The following PRKDC variants were observed in gnomAD, a reference collection of about 807,000 sequenced individuals.
PRKDC encodes protein kinase, DNA-activated, catalytic subunit.
PRKDC carries 82 observed loss-of-function variants against 486.9 expected under a neutral mutation model. That is an observed-to-expected ratio of 0.17 (90% CI 0.14 to 0.20). The LOEUF is 0.20. PRKDC is among the 10% of genes least tolerant of loss of function. The pLI is 1.00. For missense variants in PRKDC, 4,504 were observed against 5,038.2 expected, an observed-to-expected ratio of 0.89 and a Z score of 3.21; for synonymous variants, 1,895 against 1,837.0, an observed-to-expected ratio of 1.03 and a Z score of -0.81.
At position 47,915,390 on chromosome 8, in the gene PRKDC, C is replaced by A; in HGVS notation, c.2555G>T (p.Arg852Ile). The A allele has an allele frequency of 6.4e-7, 1 of 1,561,414 alleles. No homozygotes were observed. The highest frequency in any genetic ancestry group is 8.7e-7 in the Non-Finnish European group (1 of 1,147,368). Residue 852 changes from arginine (R) to isoleucine (I), a missense_variant, in exon 23 of 86, where the codon AGA (arginine) becomes ATA (isoleucine). Transcript: ENST00000314191. ...TCCAAGCATTTGTACTACTCTAATT[C>A]TTATTTCTTCTAAGGATATTGCTTC... ...SNEAISLEEIRIRVVQMLGSL... is the reference protein window; with the variant it reads ...SNEAISLEEIIIRVVQMLGSL...
intron 69 of PRKDC, 114 bp downstream of exon 69, chr8:47,807,023 A>G (rs893108115): frequency 1.1e-5 from 12 of 1,105,550 alleles, no homozygotes; most frequent in Middle Eastern, 2.1e-4. Context: ...GAGAAAAAAA[A>G]TAACACCTAC....
chr8:47,956,720 A>G (rs1713626379), intron 3 of PRKDC, among the ~76,000 whole-genome samples: 2 of 151,788 alleles, frequency 1.3e-5, no homozygotes, highest in African/African-American at 2.4e-5. Flanking sequence ...AAAAACAAAT[A>G]AACAATAAAA....
chr8:47,939,527 A>G lies in PRKDC; in HGVS notation c.1113+24T>C, dbSNP rs372738090. 27 of 1,600,226 alleles carry G rather than the reference A, an allele frequency of 1.7e-5. No homozygotes were observed. The African/African-American group carries it at 2.8e-4, about 17-fold the overall frequency. On this transcript the variant is annotated intron_variant, in intron 11 of 85. Transcript: ENST00000314191. ...AACAATCACGTGAAACCAAGACAAA[A>G]TAGAGTAAGTTAATGAGACATACTC...
chr8:47,858,097 C>A (rs968640525), intron 48 of PRKDC, among the ~76,000 whole-genome samples: 1 of 152,158 alleles, frequency 6.6e-6, no homozygotes, highest in Non-Finnish European at 1.5e-5. Context: ...AAAATGGACT[C>A]CAAGATGCTC....
intron 1 of PRKDC, among the ~76,000 whole-genome samples, chr8:47,959,491 A>G (rs959843974): frequency 2.6e-5 from 4 of 152,012 alleles, no homozygotes; most frequent in African/African-American, 9.7e-5. Flanking sequence ...AGCCTGACCA[A>G]CATGGTGAAA....
At chr8:47,820,678 C>G in intron 66 of PRKDC, 41 bp downstream of exon 66, 1 of 920,636 alleles carries the variant, frequency 1.1e-6, no homozygotes, top group East Asian at 2.9e-5. Context: ...TATATATACA[C>G]TATATATATA....
chr8:47,921,233 C>G (rs993009124), intron 21 of PRKDC, among the ~76,000 whole-genome samples: 1 of 150,292 alleles, frequency 6.7e-6, no homozygotes, highest in East Asian at 1.9e-4. Flanking sequence ...CCAGCCTGGG[C>G]GACAGAGCGA....
intron 7 of PRKDC, among the ~76,000 whole-genome samples, chr8:47,949,875 A>G (rs1451007873): frequency 1.3e-5 from 2 of 152,228 alleles, no homozygotes; most frequent in African/African-American, 4.8e-5. Context: ...TGCTGCCTAC[A>G]TAGGTTAAAA....
Position 47,893,136 on chromosome 8 carries a change from T to C in PRKDC, c.3847+3A>G, listed in dbSNP as rs766747088. Reference sequence around the variant, plus strand: ...ACACCAGAATAAGGCAAGGGTGACCTACCTAGGACCTGGAGCGCTCCTACA... The same window carrying C: ...ACACCAGAATAAGGCAAGGGTGACCCACCTAGGACCTGGAGCGCTCCTACA... On this transcript the variant is annotated splice_donor_region_variant and intron_variant, in intron 31 of 85. Transcript: ENST00000314191. 3.2e-6 allele frequency: 5 copies of C among 1,584,142 alleles called. No individual in the cohort carries two copies. The highest frequency in any genetic ancestry group is 4.3e-6 in the Non-Finnish European group (5 of 1,158,394).
chr8:47,860,412 A>G (rs1452388708), intron 45 of PRKDC, among the ~76,000 whole-genome samples: 1 of 152,232 alleles, frequency 6.6e-6, no homozygotes, highest in Non-Finnish European at 1.5e-5. Context: ...CAAGAGCCAT[A>G]TGCTGGAGTG....
chr8:47,859,035 T>C (rs761338144), intron 46 of PRKDC, 49 bp from the exon 47 acceptor site: 8 of 1,596,858 alleles, frequency 5.0e-6, no homozygotes, highest in South Asian at 4.4e-5. Flanking sequence ...TAACATTCAG[T>C]GGACAAGGCA....
chr8:47,947,095 A>T (rs1041088618), intron 7 of PRKDC, among the ~76,000 whole-genome samples: 1 of 152,086 alleles, frequency 6.6e-6, no homozygotes, highest in African/African-American at 2.4e-5. Flanking sequence ...TTGACACACC[A>T]GCTCTTGTGG....
At chr8:47,955,849 T>C (rs756254422) in intron 4 of PRKDC, 25 bp downstream of exon 4, 4 of 1,514,064 alleles carry the variant, frequency 2.6e-6, no homozygotes, top group Non-Finnish European at 3.6e-6. Context: ...TAATGTAAAA[T>C]ACGTGTACTT....
chr8:47,773,993 A>G lies in PRKDC; in HGVS notation c.*180T>C. On this transcript the variant is annotated 3_prime_UTR_variant, in exon 86 of 86. Transcript: ENST00000314191. The stretch of plus-strand genomic sequence containing the variant: ...TGATGTTACTATAACCTTATCTTTG[A>G]TTTAACCCATACACATTTACTCATC... The G allele has an allele frequency of 1.7e-6, 1 of 605,440 alleles. No individual in the cohort carries two copies. Among genetic ancestry groups the G allele is most frequent in the South Asian group, 2.6e-5 (1 of 38,404 alleles). The allele number at this position is 605,440 out of a possible 1,614,324, so 37.5% of individuals were successfully genotyped here. A position where few individuals can be genotyped will look rare whatever the true frequency, so the allele number is the denominator to read the frequency against.
chr8:47,792,965 T>C (rs904555506), intron 74 of PRKDC, among the ~76,000 whole-genome samples: 1 of 152,240 alleles, frequency 6.6e-6, no homozygotes, highest in African/African-American at 2.4e-5. Flanking sequence ...CACTGCAGCC[T>C]TGAATTCCTG....
At chr8:47,784,975 A>T (rs1021938569) in intron 77 of PRKDC, 138 bp downstream of exon 77, 1 of 822,322 alleles carries the variant, frequency 1.2e-6, no homozygotes, top group African/African-American at 1.7e-5. Flanking sequence ...ATGATGAAAA[A>T]TTCGGTGAAT....
chr8:47,868,988 A>T (rs2088882560), intron 40 of PRKDC, among the ~76,000 whole-genome samples: 1 of 152,182 alleles, frequency 6.6e-6, no homozygotes, highest in South Asian at 2.1e-4. Context: ...ACCAGCCCTA[A>T]TCAGAAGCAA....
chr8:47,860,203 G>A (rs1435141230), intron 45 of PRKDC, among the ~76,000 whole-genome samples: 1 of 152,072 alleles, frequency 6.6e-6, no homozygotes, highest in Non-Finnish European at 1.5e-5. Context: ...GAAAAATTAA[G>A]CAAAAAACAA....
intron 7 of PRKDC, among the ~76,000 whole-genome samples, chr8:47,946,086 T>G (rs937267643): frequency 5.3e-5 from 8 of 151,744 alleles, no homozygotes; most frequent in African/African-American, 1.9e-4. Flanking sequence ...TCCCAGCACT[T>G]TGGGAGGCCA....
Sources: allele counts gnomAD v4.1 joint callset (sites outside exome capture counted in the v4.1 genomes callset), GRCh38; gene constraint gnomAD v4.1.1; transcripts MANE v1.5; gene names NCBI Gene and HGNC (gene_info 2026-07-23, HGNC 2026-07-21).